PHTF2: variants seen among roughly 807,000 people sequenced by gnomAD.
PHTF2 encodes the protein protein PHTF2.
PHTF2 carries 60 observed loss-of-function variants against 101.2 expected under a neutral mutation model. That is an observed-to-expected ratio of 0.59 (90% CI 0.48 to 0.73). The LOEUF is 0.73. Ranked by LOEUF, PHTF2 falls within the 30% of genes least tolerant of loss-of-function variation. PHTF2 has a pLI of 0.00. For synonymous variants in PHTF2, 311 were observed against 307.3 expected, an observed-to-expected ratio of 1.01 and a Z score of -0.13; for missense variants, 747 against 908.7, an observed-to-expected ratio of 0.82 and a Z score of 2.29.
chr7:77,895,565 T>C (rs577230636), intron 5 of PHTF2, among the ~76,000 whole-genome samples: 41 of 152,228 alleles, frequency 2.7e-4, no homozygotes, highest in Admixed American at 7.8e-4. Flanking sequence ...GGTTGACACA[T>C]TTGGAATTTA....
chr7:77,860,983 C>G (rs1797596091), intron 3 of PHTF2, among the ~76,000 whole-genome samples: 1 of 152,112 alleles, frequency 6.6e-6, no homozygotes, highest in South Asian at 2.1e-4. Context: ...GGATTACAGT[C>G]ATGAGCCACC....
intron 1 of PHTF2, among the ~76,000 whole-genome samples, chr7:77,833,520 G>A (rs1240258588): frequency 2.0e-5 from 3 of 152,146 alleles, no homozygotes; most frequent in African/African-American, 7.2e-5. Flanking sequence ...CCAGCACTTG[G>A]GGAGGCTGAG....
rs199506255 is a variant in PHTF2 at position 77,929,290 on chromosome 7, G to C, written c.1301G>C (p.Cys434Ser). 9.3e-5 allele frequency: 150 copies of C among 1,610,656 alleles called. No homozygotes were observed. The highest frequency in any genetic ancestry group is 1.1e-4 in the Non-Finnish European group (128 of 1,177,138). ...GTGGAAAATCATCAGATTAATCCAT[G>C]TGTGAAAAAAGAATATAGAGATGAC... Residue 434 changes from cysteine to serine, a missense_variant, in exon 12 of 20, where the codon TGT becomes TCT. Cys to Ser is a moderately radical substitution (Grantham distance 112). Coordinates refer to ENST00000416283, the Ensembl canonical transcript of PHTF2.
intron 1 of PHTF2, among the ~76,000 whole-genome samples, chr7:77,818,903 C>G (rs1383678545): frequency 6.6e-6 from 1 of 151,802 alleles, no homozygotes; most frequent in Non-Finnish European, 1.5e-5. Flanking sequence ...TGTTTGTATC[C>G]TCTTCAGTTT....
intron 2 of PHTF2, among the ~76,000 whole-genome samples, chr7:77,842,234 A>G (rs543045253): frequency 6.6e-6 from 1 of 152,246 alleles, no homozygotes; most frequent in South Asian, 2.1e-4. Context: ...ACAGGGTCTC[A>G]CTCTGTTAAC....
At chr7:77,903,236 T>C (rs1377679978) in intron 7 of PHTF2, among the ~76,000 whole-genome samples, 1 of 152,208 alleles carries the variant, frequency 6.6e-6, no homozygotes, top group Non-Finnish European at 1.5e-5. Context: ...TCATATTTGC[T>C]TATCAGTATT....
intron 16 of PHTF2, among the ~76,000 whole-genome samples, chr7:77,947,698 T>C (rs1562976026): frequency 1.3e-5 from 2 of 152,014 alleles, no homozygotes; most frequent in Non-Finnish European, 2.9e-5. Context: ...GCTTTGTTTA[T>C]TTAAAAAAAT....
At chr7:77,932,761 C>T (rs1214694488) in intron 12 of PHTF2, among the ~76,000 whole-genome samples, 1 of 151,842 alleles carries the variant, frequency 6.6e-6, no homozygotes, top group Non-Finnish European at 1.5e-5. Context: ...TTCTACACAG[C>T]TATGTGATGT....
intron 15 of PHTF2, among the ~76,000 whole-genome samples, chr7:77,941,109 A>G (rs1400907160): frequency 6.6e-6 from 1 of 152,186 alleles, no homozygotes; most frequent in African/African-American, 2.4e-5. Context: ...GTCATTATAT[A>G]TGGAGTAATC....
chr7:77,875,279 A>G (rs1449911687), intron 3 of PHTF2, among the ~76,000 whole-genome samples: 1 of 152,076 alleles, frequency 6.6e-6, no homozygotes, highest in Non-Finnish European at 1.5e-5. Flanking sequence ...GTTTTCTTAC[A>G]TAGATCTTCC....
chr7:77,854,665 C>A, intron 2 of PHTF2: 1 of 693,278 alleles, frequency 1.4e-6, no homozygotes, highest in South Asian at 1.5e-5. Context: ...TATTCTGCTG[C>A]AGTTGTGTTG....
intron 1 of PHTF2, among the ~76,000 whole-genome samples, chr7:77,807,415 T>C (rs1793079033): frequency 6.6e-6 from 1 of 152,150 alleles, no homozygotes; most frequent in Non-Finnish European, 1.5e-5. Context: ...TAAGGTGATA[T>C]CTTGTGGTTT....
chr7:77,881,428 T>C lies in PHTF2; in HGVS notation c.148-12180T>C, dbSNP rs116565240. On this transcript the variant is annotated intron_variant, in intron 3 of 19. Coordinates refer to ENST00000416283, the Ensembl canonical transcript of PHTF2. ...CCACATAACATCCAAACACCCAGTT[T>C]ATGCTGCTGAGGTCCAGATTTTGTA... 3.3e-3 allele frequency among the ~76,000 whole-genome samples: 497 copies of C among 152,272 alleles called. 2 individuals carry two copies. The highest frequency in any genetic ancestry group is 0.012 in the African/African-American group (481 of 41,548).
In PHTF2 at chr7:77,810,372, C is replaced by T. The variant is rs541770354; in HGVS notation, c.-36+11401C>T. 2.0e-5 allele frequency among the ~76,000 whole-genome samples: 3 copies of T among 152,216 alleles called. No individual in the cohort carries two copies. The South Asian group carries it at 6.2e-4, about 32-fold the overall frequency. On this transcript the variant is annotated intron_variant, in intron 1 of 19. Transcript: ENST00000416283. ...CAGGTACTCACATTTTACCAGTTAC[C>T]ACAATACTGTACTTTATTGCAGAAG...
chr7:77,937,080 G>GAA lies in PHTF2; in HGVS notation c.1339-618_1339-617dup, dbSNP rs71082797. 1.3e-3 allele frequency among the ~76,000 whole-genome samples: 186 copies of GAA among 144,294 alleles called. 2 individuals are homozygous for GAA. In the East Asian group the frequency reaches 0.029, roughly 23 times the overall value. The allele number at this position is 144,294 out of a possible 152,430, so 94.7% of individuals were successfully genotyped here. ...AGTTTTGTAATATTTGCTTTATCTGGAAAAAAAAAAAAAGTTAAATGGGTC... is the reference window on the plus strand; with the variant it reads ...AGTTTTGTAATATTTGCTTTATCTGGAAAAAAAAAAAAAAAGTTAAATGGGTC... On this transcript the variant is annotated intron_variant, in intron 12 of 19. Coordinates refer to ENST00000416283, the Ensembl canonical transcript of PHTF2.
intron 1 of PHTF2, among the ~76,000 whole-genome samples, chr7:77,806,528 C>A (rs940279914): frequency 6.6e-6 from 1 of 151,968 alleles, no homozygotes. Context: ...TTTTTACTTT[C>A]TACCTTTTTA....
chr7:77,858,648 A>C (rs1162292336), intron 3 of PHTF2, among the ~76,000 whole-genome samples: 2 of 139,674 alleles, frequency 1.4e-5, no homozygotes, highest in East Asian at 2.1e-4. Flanking sequence ...AGAAGTATAC[A>C]CTTTTTTTTT....
chr7:77,919,381 C>T (rs181339253), intron 9 of PHTF2, among the ~76,000 whole-genome samples: 40 of 152,154 alleles, frequency 2.6e-4, no homozygotes, highest in African/African-American at 8.4e-4. Flanking sequence ...AAAATTGATA[C>T]CTCTAACAAA....
Position 77,952,918 on chromosome 7 carries a change from G to A in PHTF2, c.2212-851G>A, listed in dbSNP as rs182616574. On this transcript the variant is annotated intron_variant, in intron 18 of 19. Transcript: ENST00000416283. ...ATTCATCCTCTTCTCTATTAGTACG[G>A]CCCTATGTGAGATCCTTGTCTCTCA... Among the ~76,000 whole-genome samples the A allele has an allele frequency of 5.3e-5, 8 of 151,982 alleles. No homozygotes were observed. In the East Asian group the frequency reaches 1.5e-3, roughly 29 times the overall value.
Sources: gnomAD v4.1 joint callset for allele counts (sites outside exome capture counted in the v4.1 genomes callset) on GRCh38, gnomAD v4.1.1 for gene constraint, MANE v1.5 for transcripts, NCBI Gene and HGNC (gene_info 2026-07-23, HGNC 2026-07-21) for gene names.